The following DTNA variants were observed in gnomAD, a reference collection of about 807,000 sequenced individuals.
DTNA encodes the protein dystrobrevin alpha.
A neutral mutation model predicts 100.7 loss-of-function variants in DTNA; 43 were observed. That is an observed-to-expected ratio of 0.43 (90% confidence interval 0.33 to 0.55). The LOEUF (loss-of-function observed/expected upper bound fraction) is 0.55, where lower values mean the gene tolerates loss of function less well. Ranked by LOEUF, DTNA falls within the 20% of genes least tolerant of loss-of-function variation. The probability of loss-of-function intolerance (pLI) is 0.04; values close to 1 mark genes in which losing one functional copy is unlikely to be tolerated. For synonymous variants in DTNA, 349 were observed against 347.9 expected (o/e 1.00, Z -0.04); for missense variants, 798 against 953.9 (o/e 0.84, Z 2.15).
At chr18:34,603,274 C>A (rs911067791) in intron 1 of DTNA, among the ~76,000 whole-genome samples, 1 of 151,612 alleles carries the variant, frequency 6.6e-6, no homozygotes, top group Non-Finnish European at 1.5e-5. Context: ...AAATAAATAC[C>A]TCTAGTACAT....
At chr18:34,866,456 A>G in intron 17 of DTNA, 1 of 1,250,594 alleles carries the variant, frequency 8.0e-7, no homozygotes, top group South Asian at 1.6e-5. Context: ...GTTGTTGATC[A>G]GACCCTTCTC....
intron 1 of DTNA, among the ~76,000 whole-genome samples, chr18:34,645,072 T>C (rs1467034220): frequency 6.6e-6 from 1 of 152,130 alleles, no homozygotes; most frequent in East Asian, 1.9e-4. Context: ...GAAAACTCAA[T>C]GTTTTCCTAA....
chr18:34,866,505 G>T, intron 17 of DTNA: 1 of 1,152,292 alleles, frequency 8.7e-7, no homozygotes, highest in Non-Finnish European at 1.1e-6. Context: ...GATACCCTGA[G>T]GTTCATGTCA....
chr18:34,800,764 C>T (rs2149157244), intron 4 of DTNA, among the ~76,000 whole-genome samples: 1 of 152,324 alleles, frequency 6.6e-6, no homozygotes, highest in East Asian at 1.9e-4. Flanking sequence ...GATTTTGTAA[C>T]TTCAAACAGG....
At chr18:34,652,743 C>T (rs1049407922) in intron 1 of DTNA, among the ~76,000 whole-genome samples, 4 of 152,188 alleles carry the variant, frequency 2.6e-5, no homozygotes, top group Non-Finnish European at 5.9e-5. Flanking sequence ...TGCCTCTCTT[C>T]TGTCTGCTGC....
intron 1 of DTNA, among the ~76,000 whole-genome samples, chr18:34,666,373 C>T (rs2075927885): frequency 2.0e-5 from 3 of 151,690 alleles, no homozygotes; most frequent in Admixed American, 2.0e-4. Flanking sequence ...CTGTAGGTTG[C>T]CTGTTCACTC....
At chr18:34,712,860 T>TAAGG (rs2083182658) in intron 1 of DTNA, among the ~76,000 whole-genome samples, 5 of 152,148 alleles carry the variant, frequency 3.3e-5, no homozygotes, top group Non-Finnish European at 7.4e-5. Context: ...TTAACAGTTT[T>TAAGG]TTAACATGTT....
intron 1 of DTNA, among the ~76,000 whole-genome samples, chr18:34,510,281 G>A (rs1379100943): frequency 6.6e-6 from 1 of 151,586 alleles, no homozygotes; most frequent in African/African-American, 2.4e-5. Context: ...CATCTATTTT[G>A]TTTTTGTGTG....
intron 3 of DTNA, among the ~76,000 whole-genome samples, chr18:34,780,815 A>G (rs1195949560): frequency 6.6e-6 from 1 of 152,198 alleles, no homozygotes; most frequent in Non-Finnish European, 1.5e-5. Flanking sequence ...GAAACCAGGA[A>G]GGGAGGAAAG....
chr18:34,494,587 A>C (rs1215503350), intron 1 of DTNA, among the ~76,000 whole-genome samples: 1 of 152,004 alleles, frequency 6.6e-6, no homozygotes, highest in Non-Finnish European at 1.5e-5. Flanking sequence ...CTGGGACTTG[A>C]AGGTAAAACT....
At chr18:34,506,167 AG>A (rs1256991222) in intron 1 of DTNA, among the ~76,000 whole-genome samples, 1 of 152,180 alleles carries the variant, frequency 6.6e-6, no homozygotes, top group African/African-American at 2.4e-5. Flanking sequence ...CTGACACACT[AG>A]GGGGACAGAA....
intron 3 of DTNA, among the ~76,000 whole-genome samples, chr18:34,792,647 G>A (rs2094799260): frequency 6.6e-6 from 1 of 152,144 alleles, no homozygotes; most frequent in South Asian, 2.1e-4. Context: ...AAAGCATAAT[G>A]AAAAGTCAAC....
intron 1 of DTNA, among the ~76,000 whole-genome samples, chr18:34,514,280 G>A (rs78348948): frequency 0.015 from 2,316 of 152,164 alleles, 32 homozygotes; most frequent in Non-Finnish European, 0.023. Flanking sequence ...CAAGCTTTTA[G>A]CATGCCTAAG....
chr18:34,583,906 G>A (rs2048872936), intron 1 of DTNA, among the ~76,000 whole-genome samples: 1 of 152,176 alleles, frequency 6.6e-6, no homozygotes, highest in Admixed American at 6.5e-5. Flanking sequence ...ATTCTCTGGA[G>A]TAACTTAACT....
chr18:34,882,211 T>C lies in DTNA; in HGVS notation c.2295+10T>C, dbSNP rs376012937. 28 of 1,613,570 alleles carry C rather than the reference T, an allele frequency of 1.7e-5. No individual in the cohort carries two copies. Among genetic ancestry groups the C allele is most frequent in the Non-Finnish European group, 2.4e-5 (28 of 1,179,792 alleles). ...AGATGAAGCTTATCAGGTACAGGGA[T>C]CCAGGCCCACCCCACCCCACCTCTT... On this transcript the variant is annotated intron_variant, in intron 21 of 22. Transcript: ENST00000444659.
intron 1 of DTNA, among the ~76,000 whole-genome samples, chr18:34,634,614 G>T (rs2058455598): frequency 6.6e-6 from 1 of 152,114 alleles, no homozygotes; most frequent in South Asian, 2.1e-4. Flanking sequence ...GTCAGAAAAG[G>T]CAAGAGCATT....
At chr18:34,779,587 AAAATGTTCAGCAGTAGCAAG>A in intron 3 of DTNA, among the ~76,000 whole-genome samples, 1 of 152,288 alleles carries the variant, frequency 6.6e-6, no homozygotes. Flanking sequence ...TAGCATCTTC[AAAATGTTCAGCAGTAGCAAG>A]AAATCTAAAA....
intron 13 of DTNA, among the ~76,000 whole-genome samples, chr18:34,845,564 C>T (rs970967589): frequency 5.9e-5 from 9 of 152,012 alleles, no homozygotes; most frequent in African/African-American, 9.7e-5. Flanking sequence ...TGGGGTTATC[C>T]GCAAAACACT....
intron 1 of DTNA, among the ~76,000 whole-genome samples, chr18:34,700,612 G>A (rs1034842199): frequency 5.3e-5 from 8 of 152,158 alleles, no homozygotes; most frequent in African/African-American, 1.9e-4. Flanking sequence ...ACTATTACTT[G>A]TGTCTATGTA....
Sources: allele counts gnomAD v4.1 joint callset (sites outside exome capture counted in the v4.1 genomes callset), GRCh38; gene constraint gnomAD v4.1.1; transcripts MANE v1.5; gene names NCBI Gene and HGNC (gene_info 2026-07-23, HGNC 2026-07-21).